Variants in TPTE2 observed in about 807,000 individuals in gnomAD.
TPTE2 encodes phosphatidylinositol 3,4,5-trisphosphate 3-phosphatase TPTE2.
Under a neutral mutation model 78.6 loss-of-function variants are expected in TPTE2, and 53 were observed. That is an observed-to-expected ratio of 0.67 (90% CI 0.54 to 0.85). The LOEUF (loss-of-function observed/expected upper bound fraction) is 0.85, where lower values mean the gene tolerates loss of function less well. TPTE2 is among the 40% of genes least tolerant of loss of function. TPTE2 has a pLI of 0.00. For missense variants in TPTE2, 461 were observed against 623.0 expected (o/e 0.74, Z 2.77); for synonymous variants, 175 against 206.2 (o/e 0.85, Z 1.30).
In TPTE2 at chr13:19,493,506, C is replaced by T. The variant is rs534615281; in HGVS notation, c.12-5G>A. On this transcript the variant is annotated splice_region_variant and splice_polypyrimidine_tract_variant and intron_variant, in intron 1 of 19. Transcript: ENST00000400230. ...TTAAATTCGTTTGTCTGTGGACTAG[C>T]GGATGATAAGAGAATACAGTCAGAG... 3.9e-5 allele frequency: 63 copies of T among 1,613,016 alleles called. No individual in the cohort carries two copies. The South Asian group carries it at 4.0e-4, about 10-fold the overall frequency.
chr13:19,436,137 G>A (rs1052362750), intron 15 of TPTE2, 89 bp downstream of exon 18: 13 of 1,105,066 alleles, frequency 1.2e-5, no homozygotes, highest in African/African-American at 1.6e-5. Flanking sequence ...GATCACCAAA[G>A]GAGAAGAGTC....
the TPTE2 span, among the ~76,000 whole-genome samples, chr13:19,542,042 A>G: frequency 6.6e-6 from 1 of 152,206 alleles, no homozygotes; most frequent in Non-Finnish European, 1.5e-5. Context: ...TTTTGATAAC[A>G]TAGTTTTGAG....
At chr13:19,518,131 G>A (rs1175518882) in intron 1 of TPTE2, among the ~76,000 whole-genome samples, 1 of 152,044 alleles carries the variant, frequency 6.6e-6, no homozygotes, top group Non-Finnish European at 1.5e-5. Flanking sequence ...GGACTTGGGG[G>A]GATACCTCAT....
chr13:19,449,300 A>T (rs1020939746), intron 13 of TPTE2, among the ~76,000 whole-genome samples: 1 of 152,038 alleles, frequency 6.6e-6, no homozygotes, highest in Non-Finnish European at 1.5e-5. Context: ...CAGCCTCCCG[A>T]GTAGCTGGGA....
chr13:19,470,992 C>T (rs1225462601), intron 6 of TPTE2, among the ~76,000 whole-genome samples: 1 of 151,446 alleles, frequency 6.6e-6, no homozygotes, highest in African/African-American at 2.4e-5. Context: ...TCACTGCAAC[C>T]TCTGCCTCCC....
At chr13:19,438,588 T>C (rs1374097158) in intron 13 of TPTE2, 3 of 236,542 alleles carry the variant, frequency 1.3e-5, no homozygotes, top group African/African-American at 2.3e-5. Flanking sequence ...TTTAAAAATA[T>C]ACATATATTT....
chr13:19,496,502 A>T (rs1881320851), intron 1 of TPTE2, among the ~76,000 whole-genome samples: 2 of 152,090 alleles, frequency 1.3e-5, no homozygotes, highest in African/African-American at 4.8e-5. Flanking sequence ...TTTCCTGTCC[A>T]TGGGACACAG....
At chr13:19,425,808 T>C (rs1208995005) in intron 18 of TPTE2, 1 of 426,098 alleles carries the variant, frequency 2.3e-6, no homozygotes, top group Middle Eastern at 7.5e-4. Context: ...CCCTTCCAGT[T>C]GGCCCTGTGT....
the TPTE2 span, among the ~76,000 whole-genome samples, chr13:19,542,813 G>A: frequency 6.6e-6 from 1 of 151,934 alleles, no homozygotes; most frequent in East Asian, 1.9e-4. Flanking sequence ...GGGCAACACG[G>A]TGAGACCCTG....
chr13:19,447,974 A>C (rs927203267), intron 13 of TPTE2, among the ~76,000 whole-genome samples: 3 of 152,204 alleles, frequency 2.0e-5, no homozygotes, highest in African/African-American at 7.2e-5. Flanking sequence ...TTACTGGAAC[A>C]AAAACAGACA....
chr13:19,424,762 T>C (rs1875891072), intron 19 of TPTE2, among the ~76,000 whole-genome samples, 185 bp downstream of exon 22: 1 of 152,180 alleles, frequency 6.6e-6, no homozygotes, highest in African/African-American at 2.4e-5. Flanking sequence ...ACAGTGGGTC[T>C]CAAGAACAAA....
At chr13:19,561,328 G>T in the TPTE2 span, 1 of 677,028 alleles carries the variant, frequency 1.5e-6, no homozygotes, top group Non-Finnish European at 2.4e-6. Flanking sequence ...GGCGGGGGCC[G>T]CTCCACCTCC....
At chr13:19,427,413 TAAAAAGTATTGA>T (rs1876213827) in intron 17 of TPTE2, among the ~76,000 whole-genome samples, 1 of 152,050 alleles carries the variant, frequency 6.6e-6, no homozygotes, top group African/African-American at 2.4e-5. Flanking sequence ...GCTGCACTTT[TAAAAAGTATTGA>T]ATTTTCCATT....
chr13:19,519,011 G>A (rs1033232122), intron 1 of TPTE2, among the ~76,000 whole-genome samples: 12 of 152,082 alleles, frequency 7.9e-5, no homozygotes, highest in African/African-American at 1.2e-4. Context: ...TTGGAGTCCC[G>A]TCTTGGGGGC....
At chr13:19,436,916 G>T (rs1347186111) in intron 14 of TPTE2, among the ~76,000 whole-genome samples, 2 of 152,090 alleles carry the variant, frequency 1.3e-5, no homozygotes, top group African/African-American at 4.8e-5. Flanking sequence ...CAGCCAGTTA[G>T]AAGAAGCACA....
At position 19,479,014 on chromosome 13, in the gene TPTE2, T is replaced by A. The variant is rs146286810; in HGVS notation, c.180-3391A>T. On this transcript the variant is annotated intron_variant, in intron 4 of 19. Transcript: ENST00000400230. ...TCACACACCGGGGCCTGTCATGGGG[T>A]GGGGGGATTGGGGAGGGATAGCATT... Among the ~76,000 whole-genome samples the A allele has an allele frequency of 5.0e-3, 758 of 150,622 alleles. 8 individuals are homozygous for A. The highest frequency in any genetic ancestry group is 0.018 in the African/African-American group (723 of 40,888).
intron 4 of TPTE2, 115 bp from the exon 8 acceptor site, chr13:19,475,738 A>G: frequency 3.6e-6 from 4 of 1,098,862 alleles, no homozygotes; most frequent in South Asian, 1.8e-5. Context: ...CAGAAGTTGT[A>G]TAACAAAATG....
the TPTE2 span, among the ~76,000 whole-genome samples, chr13:19,547,578 A>G: frequency 2.0e-5 from 3 of 152,042 alleles, no homozygotes; most frequent in Non-Finnish European, 2.9e-5. Flanking sequence ...CTATAGCTCC[A>G]TTATTCAAAA....
intron 1 of TPTE2, among the ~76,000 whole-genome samples, chr13:19,496,808 G>A (rs9508194): frequency 0.62 from 93,908 of 152,194 alleles, 33,290 homozygotes; most frequent in East Asian, 0.89. Context: ...CAAGATGGCC[G>A]AACAGGAACA....
Sources: allele counts gnomAD v4.1 joint callset (sites outside exome capture counted in the v4.1 genomes callset), GRCh38; gene constraint gnomAD v4.1.1; transcripts MANE v1.5; gene names NCBI Gene and HGNC (gene_info 2026-07-23, HGNC 2026-07-21).